The following CSTPP1 variants were observed in gnomAD, a reference collection of about 807,000 sequenced individuals.
CSTPP1 encodes centriolar satellite-associated tubulin polyglutamylase complex regulator 1.
chr11:47,053,798 G>T, the CSTPP1 span, among the ~76,000 whole-genome samples: 1 of 151,538 alleles, frequency 6.6e-6, no homozygotes, highest in Non-Finnish European at 1.5e-5. Context: ...AACAAAATTA[G>T]CCAGGTGTGG....
the CSTPP1 span, chr11:47,161,678 T>C: frequency 5.1e-6 from 8 of 1,563,192 alleles, no homozygotes; most frequent in Middle Eastern, 1.7e-4. Flanking sequence ...CTGTACCTGC[T>C]CCCACCCAGC....
the CSTPP1 span, among the ~76,000 whole-genome samples, chr11:46,980,026 C>G: frequency 6.6e-6 from 1 of 152,092 alleles, no homozygotes; most frequent in Non-Finnish European, 1.5e-5. Flanking sequence ...AGGATTTAAG[C>G]ACTTACCCTT....
At chr11:47,160,984 C>A in the CSTPP1 span, 3 of 1,034,648 alleles carry the variant, frequency 2.9e-6, no homozygotes, top group South Asian at 1.6e-5. Context: ...CTGTTCTTGG[C>A]CCCTCTAGCA....
the CSTPP1 span, among the ~76,000 whole-genome samples, chr11:47,035,639 C>T: frequency 6.6e-6 from 1 of 152,192 alleles, no homozygotes; most frequent in East Asian, 1.9e-4. Flanking sequence ...TGAATGGCAC[C>T]ATGTATGGTC....
At chr11:47,036,242 T>TAA in the CSTPP1 span, among the ~76,000 whole-genome samples, 8 of 45,180 alleles carry the variant, frequency 1.8e-4, no homozygotes, top group African/African-American at 6.3e-4. Flanking sequence ...TATATTATAT[T>TAA]TATATATTAT....
At chr11:46,996,632 C>T in the CSTPP1 span, among the ~76,000 whole-genome samples, 2 of 152,120 alleles carry the variant, frequency 1.3e-5, no homozygotes, top group African/African-American at 4.8e-5. Flanking sequence ...TTATTTTGCT[C>T]TTTAGTTGAT....
the CSTPP1 span, chr11:47,137,450 C>A: frequency 6.6e-7 from 1 of 1,507,816 alleles, no homozygotes; most frequent in Non-Finnish European, 8.8e-7. Flanking sequence ...GCCTCCCACC[C>A]TGGAAAAGCT....
the CSTPP1 span, among the ~76,000 whole-genome samples, chr11:47,115,266 A>C: frequency 6.6e-6 from 1 of 152,212 alleles, no homozygotes; most frequent in African/African-American, 2.4e-5. Context: ...ATTGAAGTTC[A>C]TCAGGGATAT....
At chr11:47,158,826 C>T in the CSTPP1 span, among the ~76,000 whole-genome samples, 1 of 152,204 alleles carries the variant, frequency 6.6e-6, no homozygotes, top group Admixed American at 6.5e-5. Flanking sequence ...TGAGCCACTA[C>T]GCCCAGCAAG....
At chr11:46,944,565 T>C in the CSTPP1 span, among the ~76,000 whole-genome samples, 1 of 152,126 alleles carries the variant, frequency 6.6e-6, no homozygotes, top group African/African-American at 2.4e-5. Context: ...GGTCACACTT[T>C]CCACAGACTG....
At chr11:47,095,786 G>C in the CSTPP1 span, among the ~76,000 whole-genome samples, 1 of 152,146 alleles carries the variant, frequency 6.6e-6, no homozygotes. Context: ...GTAATGTCCT[G>C]GAGAAACAGA....
At chr11:47,023,772 C>T in the CSTPP1 span, among the ~76,000 whole-genome samples, 1 of 152,054 alleles carries the variant, frequency 6.6e-6, no homozygotes, top group Non-Finnish European at 1.5e-5. Context: ...TCATGTTGTA[C>T]CATGTATCAG....
At chr11:47,095,203 A>G in the CSTPP1 span, among the ~76,000 whole-genome samples, 2 of 152,184 alleles carry the variant, frequency 1.3e-5, no homozygotes, top group Admixed American at 1.3e-4. Context: ...TTAAAAATCA[A>G]TGAAGGGGAA....
chr11:47,043,090 C>T, the CSTPP1 span, among the ~76,000 whole-genome samples: 1 of 152,150 alleles, frequency 6.6e-6, no homozygotes, highest in Non-Finnish European at 1.5e-5. Context: ...GCTCTGGATT[C>T]AGAAGGCGTA....
the CSTPP1 span, among the ~76,000 whole-genome samples, chr11:47,147,697 C>T: frequency 6.6e-6 from 1 of 152,094 alleles, no homozygotes; most frequent in South Asian, 2.1e-4. Context: ...CAGGTGGTCT[C>T]GGAACTGTGA....
chr11:47,161,699 C>T, the CSTPP1 span: 2 of 1,533,348 alleles, frequency 1.3e-6, no homozygotes, highest in African/African-American at 1.4e-5. Context: ...CCTTGGTGTG[C>T]CCACCCAGCC....
At chr11:46,970,375 C>T in the CSTPP1 span, among the ~76,000 whole-genome samples, 1 of 150,774 alleles carries the variant, frequency 6.6e-6, no homozygotes, top group African/African-American at 2.4e-5. Flanking sequence ...GCACATTGTG[C>T]ACATGTACCC....
the CSTPP1 span, among the ~76,000 whole-genome samples, chr11:46,947,121 T>C: frequency 1.3e-5 from 2 of 152,246 alleles, no homozygotes; most frequent in Admixed American, 1.3e-4. Context: ...TGTGTTTGGG[T>C]TACATAACAT....
chr11:47,103,257 TGGTGTGGTG>T, the CSTPP1 span, among the ~76,000 whole-genome samples: 2 of 151,782 alleles, frequency 1.3e-5, no homozygotes, highest in Non-Finnish European at 2.9e-5. Flanking sequence ...AAAATTATCC[TGGTGTGGTG>T]GCACATACCT....
Sources: allele counts gnomAD v4.1 joint callset (sites outside exome capture counted in the v4.1 genomes callset), GRCh38; gene constraint gnomAD v4.1.1; transcripts MANE v1.5; gene names NCBI Gene and HGNC (gene_info 2026-07-23, HGNC 2026-07-21).